The following NKD1 variants were observed in gnomAD, a reference collection of about 807,000 sequenced individuals.
The protein encoded by NKD1 is NKD inhibitor of Wnt signaling pathway 1, also known as protein naked cuticle homolog 1.
In NKD1, 21 loss-of-function variants were observed where a neutral mutation model predicts 56.0. The ratio of observed to expected loss-of-function variants is 0.38; its 90% CI spans 0.27 to 0.54. The LOEUF (loss-of-function observed/expected upper bound fraction) is 0.54. Ranked by LOEUF, NKD1 falls within the 20% of genes least tolerant of loss-of-function variation. The probability of loss-of-function intolerance (pLI) is 0.82; values close to 1 mark genes in which losing one functional copy is unlikely to be tolerated. For synonymous variants in NKD1, 263 were observed against 265.7 expected, an observed-to-expected ratio of 0.99 and a Z score of 0.10; for missense variants, 578 against 642.7, an observed-to-expected ratio of 0.90 and a Z score of 1.09.
At chr16:50,626,830 C>T (rs961231979) in intron 6 of NKD1, among the ~76,000 whole-genome samples, 2 of 152,124 alleles carry the variant, frequency 1.3e-5, no homozygotes, top group Non-Finnish European at 2.9e-5. Context: ...ACCTGCGCGG[C>T]GGTCGCAGGT....
chr16:50,587,581 G>A (rs779750373), intron 3 of NKD1, among the ~76,000 whole-genome samples: 3 of 152,210 alleles, frequency 2.0e-5, no homozygotes, highest in Non-Finnish European at 4.4e-5. Context: ...TCTGAAAGAA[G>A]GTGTGGGTCA....
At chr16:50,582,734 C>T (rs1322199844) in intron 3 of NKD1, among the ~76,000 whole-genome samples, 2 of 152,232 alleles carry the variant, frequency 1.3e-5, no homozygotes, top group East Asian at 1.9e-4. Context: ...TGTGGCCAGG[C>T]GCAGTGGCGC....
At chr16:50,574,854 T>C (rs1455879749) in intron 3 of NKD1, 1 of 985,362 alleles carries the variant, frequency 1.0e-6, no homozygotes, top group Non-Finnish European at 1.2e-6. Flanking sequence ...TGTTTCTATG[T>C]GGGGGCCATG....
At chr16:50,605,877 T>A (rs1961695374) in intron 3 of NKD1, among the ~76,000 whole-genome samples, 1 of 152,176 alleles carries the variant, frequency 6.6e-6, no homozygotes, top group African/African-American at 2.4e-5. Context: ...GGTTGATGAC[T>A]GTGCCCATTT....
In NKD1 at chr16:50,625,214, ACC is replaced by A. The variant is rs537469003; in HGVS notation, c.367-267_367-266del. ...TGAGGCCACAGTGCCTCTTCTCAGA[ACC>A]CCCTGTGTTTCCTTTGTCTTTGAAG... On this transcript the variant is annotated intron_variant, in intron 5 of 9. Coordinates refer to ENST00000268459, the MANE Select transcript of NKD1 (RefSeq NM_033119.5). 2.1e-4 allele frequency: 109 copies of A among 511,140 alleles called. 1 individual carries two copies. The highest frequency in any genetic ancestry group is 2.0e-3 in the African/African-American group (102 of 51,622). The allele number at this position is 511,140 out of a possible 1,614,324, so 31.7% of individuals were successfully genotyped here. A position where few individuals can be genotyped will look rare whatever the true frequency, so the allele number is the denominator to read the frequency against.
intron 4 of NKD1, among the ~76,000 whole-genome samples, chr16:50,620,484 C>T (rs1012506415): frequency 3.3e-5 from 5 of 152,200 alleles, no homozygotes; most frequent in African/African-American, 1.2e-4. Context: ...ACCCCCTGGC[C>T]ACCCTTGGGT....
rs1269135954 is a variant in NKD1, at chr16:50,641,423, T to A, written c.*7642T>A. On this transcript the variant is annotated 3_prime_UTR_variant, in exon 10 of 10. Coordinates refer to ENST00000268459, the MANE Select transcript of NKD1 (RefSeq NM_033119.5). ...CCTAGCCTGGCCCATCGATGTGTCATGTTTGACCCATCAAGGGTTTCAAAA... is the reference window on the plus strand; with the variant it reads ...CCTAGCCTGGCCCATCGATGTGTCAAGTTTGACCCATCAAGGGTTTCAAAA... 6.6e-6 allele frequency: 1 copy of A among 152,212 alleles called. No individual in the cohort carries two copies. Among genetic ancestry groups the A allele is most frequent in the Admixed American group, 6.5e-5 (1 of 15,278 alleles). The allele number at this position is 152,212 out of a possible 1,614,324, so 9.4% of individuals were successfully genotyped here.
chr16:50,605,396 A>G (rs370277366), intron 3 of NKD1, among the ~76,000 whole-genome samples: 170 of 152,344 alleles, frequency 1.1e-3, no homozygotes, highest in African/African-American at 3.9e-3. Flanking sequence ...ATAAGCATCT[A>G]TTTCTTGAAA....
intron 3 of NKD1, chr16:50,573,696 G>T: frequency 1.9e-6 from 1 of 529,754 alleles, no homozygotes; most frequent in Non-Finnish European, 2.4e-6. Context: ...TGGATCTTCT[G>T]AATTTATCTG....
chr16:50,579,090 G>A (rs896049779), intron 3 of NKD1, among the ~76,000 whole-genome samples: 1 of 151,980 alleles, frequency 6.6e-6, no homozygotes, highest in African/African-American at 2.4e-5. Context: ...CGGGCTACCC[G>A]CTACCACTCT....
rs542194308 is a variant in NKD1 at position 50,639,683 on chromosome 16, T to C, written c.*5902T>C. 3 of 152,374 alleles carry C rather than the reference T, an allele frequency of 2.0e-5. No homozygotes were observed. The South Asian group carries it at 6.2e-4, about 32-fold the overall frequency. The allele number at this position is 152,374 out of a possible 1,614,324, so 9.4% of individuals were successfully genotyped here. On this transcript the variant is annotated 3_prime_UTR_variant, in exon 10 of 10. Coordinates refer to ENST00000268459, the MANE Select transcript of NKD1 (RefSeq NM_033119.5). Reference sequence around the variant, plus strand: ...TTCTTTCTCTAGTTGCCCTGTCATCTGGCCTCTGGATAACCCACCTCTCCT... The same window carrying C: ...TTCTTTCTCTAGTTGCCCTGTCATCCGGCCTCTGGATAACCCACCTCTCCT...
chr16:50,599,647 C>T (rs750306646), intron 3 of NKD1, among the ~76,000 whole-genome samples: 1 of 152,170 alleles, frequency 6.6e-6, no homozygotes, highest in African/African-American at 2.4e-5. Flanking sequence ...ATATTCATGA[C>T]CTCAGTTACC....
At chr16:50,554,173 C>G (rs1174383117) in intron 3 of NKD1, among the ~76,000 whole-genome samples, 3 of 152,172 alleles carry the variant, frequency 2.0e-5, no homozygotes, top group Non-Finnish European at 2.9e-5. Context: ...CAAGAGCACC[C>G]TCTTCATTCA....
intron 4 of NKD1, among the ~76,000 whole-genome samples, chr16:50,614,828 TTACAAA>T (rs1961924941): frequency 6.6e-6 from 1 of 152,138 alleles, no homozygotes; most frequent in Non-Finnish European, 1.5e-5. Context: ...TTGGAAAATG[TTACAAA>T]TACAAACACA....
chr16:50,563,292 T>G (rs527478786), intron 3 of NKD1, among the ~76,000 whole-genome samples: 1 of 152,100 alleles, frequency 6.6e-6, no homozygotes, highest in South Asian at 2.1e-4. Context: ...CCATCCTCAG[T>G]GGGCACAGTC....
chr16:50,592,734 A>AAGC (rs1270980735), intron 3 of NKD1, among the ~76,000 whole-genome samples: 2 of 151,706 alleles, frequency 1.3e-5, no homozygotes, highest in African/African-American at 4.8e-5. Flanking sequence ...AGGCAGCGAG[A>AAGC]AGCAGCGAGT....
Position 50,634,934 on chromosome 16 carries a change from G to A in NKD1, c.*1153G>A, listed in dbSNP as rs1379175278. The A allele has an allele frequency of 6.6e-6, 1 of 152,232 alleles. No individual in the cohort carries two copies. Among genetic ancestry groups the A allele is most frequent in the East Asian group, 1.9e-4 (1 of 5,234 alleles). The allele number at this position is 152,232 out of a possible 1,614,324, so 9.4% of individuals were successfully genotyped here. ...AAAAGGGGACTGTGGCCAGAGTTGG[G>A]ACCCTGGAGCAGCATCCTCTGCAGA... On this transcript the variant is annotated 3_prime_UTR_variant, in exon 10 of 10. Coordinates refer to ENST00000268459, the MANE Select transcript of NKD1 (RefSeq NM_033119.5).
chr16:50,601,522 G>A (rs955785772), intron 3 of NKD1, among the ~76,000 whole-genome samples: 6 of 152,220 alleles, frequency 3.9e-5, no homozygotes, highest in Admixed American at 2.6e-4. Flanking sequence ...GAGAAGGCTG[G>A]GCCTGAGGCT....
chr16:50,610,336 TGG>T (rs1371749535), intron 4 of NKD1, among the ~76,000 whole-genome samples: 1 of 152,246 alleles, frequency 6.6e-6, no homozygotes, highest in Non-Finnish European at 1.5e-5. Flanking sequence ...CCTGTCCGTG[TGG>T]CCCTTAAGAC....
Sources: allele counts gnomAD v4.1 joint callset (sites outside exome capture counted in the v4.1 genomes callset), GRCh38; gene constraint gnomAD v4.1.1; transcripts MANE v1.5; gene names NCBI Gene and HGNC (gene_info 2026-07-23, HGNC 2026-07-21).